HIP1: variants seen among roughly 807,000 people sequenced by gnomAD.
The protein encoded by HIP1 is huntingtin-interacting protein 1.
A neutral mutation model predicts 147.6 loss-of-function variants in HIP1; 65 were observed. That is an observed-to-expected ratio of 0.44 (90% CI 0.36 to 0.54). HIP1 has a LOEUF of 0.54. Ranked by LOEUF, HIP1 falls within the 20% of genes least tolerant of loss-of-function variation. The probability of loss-of-function intolerance (pLI) is 0.00; values close to 1 mark genes in which losing one functional copy is unlikely to be tolerated. For synonymous variants in HIP1, 479 were observed against 504.0 expected (o/e 0.95, Z 0.67); for missense variants, 1,061 against 1,299.6 (o/e 0.82, Z 2.82).
chr7:75,579,909 G>A (rs1795977935), intron 7 of HIP1, among the ~76,000 whole-genome samples: 1 of 152,176 alleles, frequency 6.6e-6, no homozygotes, highest in Non-Finnish European at 1.5e-5. Flanking sequence ...GCTTGTCATG[G>A]AACGCCCTGA....
chr7:75,664,700 A>G (rs1156308121), intron 1 of HIP1, among the ~76,000 whole-genome samples: 1 of 151,874 alleles, frequency 6.6e-6, no homozygotes, highest in Admixed American at 6.6e-5. Flanking sequence ...GGCTCACTGC[A>G]ACCTCTGCCT....
intron 1 of HIP1, among the ~76,000 whole-genome samples, chr7:75,686,400 T>C (rs528129810): frequency 2.6e-5 from 4 of 152,348 alleles, no homozygotes; most frequent in African/African-American, 9.6e-5. Flanking sequence ...TCGGAATTTA[T>C]TTGTAGTTAA....
chr7:75,611,949 A>C, intron 1 of HIP1: 1 of 852,104 alleles, frequency 1.2e-6, no homozygotes, highest in Non-Finnish European at 1.4e-6. Context: ...GCAGTGGCCA[A>C]TGGGAAACCC....
intron 1 of HIP1, among the ~76,000 whole-genome samples, chr7:75,637,987 CCCCCCCACACACACACATACACACACA>C (rs1332175088): frequency 3.8e-5 from 2 of 53,118 alleles, no homozygotes; most frequent in African/African-American, 2.0e-4. Context: ...ACCCCCCCCC[CCCCCCCACACACACACATACACACACA>C]CACACACACA....
intron 29 of HIP1, 65 bp downstream of exon 29, chr7:75,541,854 G>C: frequency 8.4e-7 from 1 of 1,193,518 alleles, no homozygotes; most frequent in Non-Finnish European, 1.3e-6. Flanking sequence ...TTCTCCATGG[G>C]AATAATATTC....
chr7:75,595,839 T>G (rs1796723214), intron 2 of HIP1, among the ~76,000 whole-genome samples: 1 of 152,222 alleles, frequency 6.6e-6, no homozygotes, highest in African/African-American at 2.4e-5. Context: ...GGCCAACCTG[T>G]TCACCATTTA....
rs782441483 is a variant in HIP1, at chr7:75,562,986, G to A, written c.969C>T (p.Ser323=). ...GGTCATCCTTCTCTAGGACTGGCTCGCTGTCGGGGGATGAGGCCTCTGCAG... is the reference window on the plus strand; with the variant it reads ...GGTCATCCTTCTCTAGGACTGGCTCACTGTCGGGGGATGAGGCCTCTGCAG... The part of the protein sequence containing the change: ...VIPAEASSPD[S]EPVLEKDDLM... The change falls in exon 11 of 31, where the codon AGC becomes AGT. Residue 323 remains serine, a synonymous_variant. Coordinates refer to ENST00000336926, the MANE Select transcript of HIP1 (RefSeq NM_005338.7). The A allele has an allele frequency of 8.7e-5, 140 of 1,614,062 alleles. 1 individual carries two copies. The South Asian group carries it at 1.1e-3, about 13-fold the overall frequency.
At chr7:75,707,464 AC>A (rs1363411229) in intron 1 of HIP1, among the ~76,000 whole-genome samples, 1 of 119,674 alleles carries the variant, frequency 8.4e-6, no homozygotes, top group Non-Finnish European at 1.7e-5. Context: ...TCCTTCGCCC[AC>A]TTTTTGATGG....
chr7:75,562,005 G>C, intron 12 of HIP1, 68 bp downstream of exon 12: 1 of 882,842 alleles, frequency 1.1e-6, no homozygotes, highest in South Asian at 1.3e-5. Context: ...TCTTTGGTTA[G>C]TGTTTTGAGG....
At chr7:75,595,247 T>TTCCTTC (rs1563230320) in intron 2 of HIP1, among the ~76,000 whole-genome samples, 3 of 82,960 alleles carry the variant, frequency 3.6e-5, no homozygotes, top group East Asian at 6.8e-4. Flanking sequence ...TTTCTTTCTT[T>TTCCTTC]CTTTCTTCCT....
At position 75,547,003 on chromosome 7, in the gene HIP1, T is replaced by A; in HGVS notation, c.2495A>T (p.Gln832Leu). Residue 832 changes from glutamine (Q) to leucine (L), a missense_variant, in exon 25 of 31, where the codon CAA becomes CTA. Transcript: ENST00000336926. ...GGCCACGATGAGCACCTGAATAGCT[T>A]GCATGAGGCTGGTACAGCAACCAAG... is the stretch of plus-strand genomic sequence containing the variant. ...RILGCCTSLM[Q>L]AIQVLIVASK... 6.3e-7 allele frequency: 1 copy of A among 1,586,620 alleles called. No homozygotes were observed. Among genetic ancestry groups the A allele is most frequent in the Non-Finnish European group, 8.6e-7 (1 of 1,165,416 alleles).
chr7:75,738,757 C>T, intron 1 of HIP1, 44 bp downstream of exon 1: 1 of 1,584,466 alleles, frequency 6.3e-7, no homozygotes, highest in Non-Finnish European at 8.6e-7. Context: ...GACACCGCGT[C>T]CCTCAGGGTG....
intron 1 of HIP1, among the ~76,000 whole-genome samples, chr7:75,679,741 C>T (rs896883856): frequency 6.6e-6 from 1 of 152,078 alleles, no homozygotes; most frequent in East Asian, 1.9e-4. Context: ...GACCCAGCCC[C>T]ACTTCGTCCT....
rs1162289295 is a variant in HIP1 at position 75,534,244 on chromosome 7, G to C, written c.*3928C>G. 2 of 225,588 alleles carry C rather than the reference G, an allele frequency of 8.9e-6. No homozygotes were observed. The highest frequency in any genetic ancestry group is 1.8e-5 in the Non-Finnish European group (2 of 113,368). 14.0% of individuals were successfully genotyped at this position (225,588 alleles called of 1,614,324 possible). A position where few individuals can be genotyped will look rare whatever the true frequency, so the allele number is the denominator to read the frequency against. On this transcript the variant is annotated 3_prime_UTR_variant, in exon 31 of 31. Transcript: ENST00000336926. ...GACTTGGTAGCTGGGACAGTTCCAA[G>C]AAAAGTTGCTCTAGACAGTGGTTCT...
chr7:75,632,338 T>TA (rs1341692840), intron 1 of HIP1, among the ~76,000 whole-genome samples: 6 of 152,164 alleles, frequency 3.9e-5, no homozygotes, highest in Non-Finnish European at 8.8e-5. Context: ...CTTGGTGAGA[T>TA]AAAATCTTAG....
chr7:75,616,394 C>A (rs1554506021), intron 1 of HIP1, among the ~76,000 whole-genome samples: 2 of 152,024 alleles, frequency 1.3e-5, no homozygotes, highest in African/African-American at 4.8e-5. Context: ...CTCCACCTCC[C>A]AAGTAGGTGG....
Position 75,568,269 on chromosome 7 carries a change from GGAAA to G in HIP1, c.746-17_746-14del. 2.5e-6 allele frequency: 4 copies of G among 1,603,680 alleles called. No homozygotes were observed. The highest frequency in any genetic ancestry group is 3.4e-6 in the Non-Finnish European group (4 of 1,170,552). ...TCAGCTGGGAGGCCTGGAAGAAATT[GGAAA>G]GAGTGTGAGAGGGGAGGGGGACCAG... On this transcript the variant is annotated splice_polypyrimidine_tract_variant and intron_variant, in intron 8 of 30. Coordinates refer to ENST00000336926, the MANE Select transcript of HIP1 (RefSeq NM_005338.7). The surrounding 1 kb of genome is among the most constrained non-coding windows in gnomAD (Gnocchi z 4.1).
chr7:75,563,253 G>A lies in HIP1; in HGVS notation c.814C>T (p.Leu272=). The change falls in exon 10 of 31, where the codon CTG becomes TTG. Residue 272 remains leucine (L), a synonymous_variant. Coordinates refer to ENST00000336926, the MANE Select transcript of HIP1 (RefSeq NM_005338.7). ...FMEQFTKLKD[L]FYRSSNLQYF... ...TGCAGGTTGCTGGAGCGGTAGAACA[G>A]ATCTTTCAACCTAGGGGTGGAGAAG... 1 of 1,614,198 alleles carries A rather than the reference G, an allele frequency of 6.2e-7. No individual in the cohort carries two copies.
At chr7:75,627,662 G>A (rs1297452733) in intron 1 of HIP1, among the ~76,000 whole-genome samples, 3 of 152,168 alleles carry the variant, frequency 2.0e-5, no homozygotes, top group Admixed American at 6.6e-5. Context: ...TCCACACCCA[G>A]GGCCATGGCC....
Sources: gnomAD v4.1 joint callset for allele counts (sites outside exome capture counted in the v4.1 genomes callset) on GRCh38, gnomAD v4.1.1 for gene constraint, Gnocchi (gnomAD v3.1) non-coding constraint, MANE v1.5 for transcripts, NCBI Gene and HGNC (gene_info 2026-07-23, HGNC 2026-07-21) for gene names.